ANKRD30BL: variants seen among roughly 807,000 people sequenced by gnomAD.
The protein encoded by ANKRD30BL is putative ankyrin repeat domain-containing protein 30B-like.
A neutral mutation model predicts 18.4 loss-of-function variants in ANKRD30BL; 20 were observed. The ratio of observed to expected loss-of-function variants is 1.09; its 90% CI spans 0.77 to 1.58. The LOEUF (loss-of-function observed/expected upper bound fraction) is 1.58. Ranked by LOEUF, ANKRD30BL falls within the 40% of genes most tolerant of loss-of-function variation. The pLI, the probability that ANKRD30BL is intolerant of heterozygous loss-of-function variation, is 0.00. For synonymous variants in ANKRD30BL, 72 were observed against 100.9 expected, an observed-to-expected ratio of 0.71 and a Z score of 1.72; for missense variants, 224 against 268.6, an observed-to-expected ratio of 0.83 and a Z score of 1.16.
chr2:132,175,037 C>T (rs1688337913), intron 1 of ANKRD30BL, among the ~76,000 whole-genome samples: 2 of 151,976 alleles, frequency 1.3e-5, no homozygotes, highest in South Asian at 2.1e-4. Context: ...GGTGGCCAGC[C>T]CCTCCACATT....
chr2:132,155,978 C>A (rs981272544), intron 3 of ANKRD30BL: 4 of 151,664 alleles, frequency 2.6e-5, no homozygotes, highest in Non-Finnish European at 5.9e-5. Flanking sequence ...CTCCTAGGAT[C>A]CTAATGCATA....
chr2:132,234,768 C>G (rs1680109645), intron 1 of ANKRD30BL, among the ~76,000 whole-genome samples: 1 of 152,128 alleles, frequency 6.6e-6, no homozygotes, highest in African/African-American at 2.4e-5. Context: ...CAAGGAGGAA[C>G]TGGTACCATT....
intron 1 of ANKRD30BL, among the ~76,000 whole-genome samples, chr2:132,238,029 C>T (rs371669161): frequency 1.3e-5 from 2 of 151,354 alleles, no homozygotes; most frequent in African/African-American, 4.9e-5. Flanking sequence ...ATCACAGATT[C>T]GAACATTCCG....
At chr2:132,210,597 A>G (rs1307986445) in intron 1 of ANKRD30BL, among the ~76,000 whole-genome samples, 2 of 151,970 alleles carry the variant, frequency 1.3e-5, no homozygotes, top group South Asian at 2.1e-4. Context: ...GTGTGCATTC[A>G]TCTCACAGAA....
chr2:132,256,286 G>T (rs75680686), intron 1 of ANKRD30BL, among the ~76,000 whole-genome samples: 2 of 149,908 alleles, frequency 1.3e-5, no homozygotes, highest in Non-Finnish European at 3.0e-5. Context: ...GGGCGTGGGG[G>T]AGGGAGGGAG....
chr2:132,158,926 C>T (rs531555048), intron 1 of ANKRD30BL, among the ~76,000 whole-genome samples: 26 of 151,988 alleles, frequency 1.7e-4, no homozygotes, highest in African/African-American at 2.6e-4. Context: ...AATTAAATTA[C>T]GGAAAGTGAG....
In ANKRD30BL at chr2:132,150,592, A is replaced by G. The variant is rs577637291; in HGVS notation, c.679+320T>C. On this transcript the variant is annotated intron_variant, in intron 5 of 5. Transcript: ENST00000409867. ...CATAAATTTTTATGACAGTTGAGGA[A>G]ACATAAAATAGATAAACTTAAAAAT... Among the ~76,000 whole-genome samples the G allele has an allele frequency of 2.0e-5, 3 of 152,052 alleles. No individual in the cohort carries two copies. In the East Asian group the frequency reaches 5.8e-4, roughly 29 times the overall value.
chr2:132,188,160 T>C (rs1367213891), intron 1 of ANKRD30BL, among the ~76,000 whole-genome samples: 1 of 152,134 alleles, frequency 6.6e-6, no homozygotes, highest in East Asian at 1.9e-4. Flanking sequence ...TGTTGAAGAA[T>C]AGTATCTCTT....
At chr2:132,185,787 A>G (rs1024878282) in intron 1 of ANKRD30BL, among the ~76,000 whole-genome samples, 2 of 152,198 alleles carry the variant, frequency 1.3e-5, no homozygotes, top group African/African-American at 4.8e-5. Flanking sequence ...CACACACACT[A>G]TAGTTCATAG....
chr2:132,157,451 A>G (rs905375950), intron 1 of ANKRD30BL, 28 bp from the exon 2 acceptor site: 7 of 616,076 alleles, frequency 1.1e-5, no homozygotes, highest in African/African-American at 1.1e-4. Flanking sequence ...CTTTTAAGGA[A>G]AGTTTAGTCC....
chr2:132,165,780 T>TTTA (rs35810546), upstream of ANKRD30BL, among the ~76,000 whole-genome samples: 1 of 151,064 alleles, frequency 6.6e-6, no homozygotes, highest in African/African-American at 2.4e-5. Flanking sequence ...TTTTTTTTTT[T>TTTA]ACATATAGTA....
chr2:132,160,127 A>G (rs1459458255), intron 1 of ANKRD30BL, among the ~76,000 whole-genome samples: 1 of 152,130 alleles, frequency 6.6e-6, no homozygotes, highest in East Asian at 1.9e-4. Context: ...TTTTTGAGAC[A>G]GAGTCTCACT....
At chr2:132,220,440 T>A (rs1679643831) in intron 1 of ANKRD30BL, among the ~76,000 whole-genome samples, 1 of 151,800 alleles carries the variant, frequency 6.6e-6, no homozygotes, top group African/African-American at 2.4e-5. Flanking sequence ...ACTGCTGCGA[T>A]CTCGGCTCAC....
At chr2:132,218,158 T>C (rs1156711461) in intron 1 of ANKRD30BL, among the ~76,000 whole-genome samples, 8 of 152,280 alleles carry the variant, frequency 5.3e-5, no homozygotes, top group Non-Finnish European at 1.2e-4. Flanking sequence ...AGAAACTTTT[T>C]TGTGATGTGT....
intron 1 of ANKRD30BL, among the ~76,000 whole-genome samples, chr2:132,220,086 G>A (rs1189279978): frequency 6.6e-6 from 1 of 152,200 alleles, no homozygotes; most frequent in Non-Finnish European, 1.5e-5. Flanking sequence ...TTATCATAGA[G>A]CAGTTTTGAT....
At chr2:132,206,234 CTT>C (rs1364452847) in intron 1 of ANKRD30BL, among the ~76,000 whole-genome samples, 1 of 152,086 alleles carries the variant, frequency 6.6e-6, no homozygotes, top group Non-Finnish European at 1.5e-5. Flanking sequence ...TCAGTACACT[CTT>C]TTGGAGGAAG....
upstream of ANKRD30BL, among the ~76,000 whole-genome samples, chr2:132,166,237 A>T (rs186370823): frequency 1.3e-5 from 2 of 152,128 alleles, no homozygotes; most frequent in African/African-American, 2.4e-5. Context: ...TTCATGAGAG[A>T]TATTGATATA....
intron 1 of ANKRD30BL, among the ~76,000 whole-genome samples, chr2:132,175,737 C>G (rs529434002): frequency 6.6e-6 from 1 of 152,316 alleles, no homozygotes; most frequent in East Asian, 1.9e-4. Flanking sequence ...GCATTGTGCC[C>G]CTGGTTTATC....
At chr2:132,221,490 A>C (rs1679681028) in intron 1 of ANKRD30BL, among the ~76,000 whole-genome samples, 2 of 105,950 alleles carry the variant, frequency 1.9e-5, no homozygotes, top group South Asian at 3.5e-4. Flanking sequence ...GGCCGCCCCT[A>C]CTGGGAAGTG....
Sources: gnomAD v4.1 joint callset for allele counts (sites outside exome capture counted in the v4.1 genomes callset) on GRCh38, gnomAD v4.1.1 for gene constraint, MANE v1.5 for transcripts, NCBI Gene and HGNC (gene_info 2026-07-23, HGNC 2026-07-21) for gene names.